The following CHD1L variants were observed in gnomAD, a reference collection of about 807,000 sequenced individuals.
CHD1L encodes the protein ATP-dependent chromatin remodeler CHD1L.
A neutral mutation model predicts 115.9 loss-of-function variants in CHD1L; 118 were observed. That is an observed-to-expected ratio of 1.02 (90% CI 0.88 to 1.19). The LOEUF (loss-of-function observed/expected upper bound fraction) is 1.19, where lower values mean the gene tolerates loss of function less well. Among genes scored for constraint, CHD1L ranks in the 50% most tolerant of loss-of-function variants. The pLI is 0.00. For missense variants in CHD1L, 1,179 were observed against 1,065.3 expected, an observed-to-expected ratio of 1.11 and a Z score of -1.49; for synonymous variants, 411 against 387.1, an observed-to-expected ratio of 1.06 and a Z score of -0.72.
chr1:147,206,085 C>T, the CHD1L span, among the ~76,000 whole-genome samples: 1 of 150,696 alleles, frequency 6.6e-6, no homozygotes, highest in Non-Finnish European at 1.5e-5. Context: ...AAACAAACAA[C>T]CCCATCAAAA....
At chr1:147,291,418 G>A (rs1466936989) in intron 19 of CHD1L, 64 bp from the exon 20 acceptor site, 27 of 1,334,660 alleles carry the variant, frequency 2.0e-5, no homozygotes, top group South Asian at 3.5e-5. Context: ...GGCGAGATAC[G>A]AGGAGGATTC....
intron 5 of CHD1L, among the ~76,000 whole-genome samples, chr1:147,258,607 C>G (rs587699371): frequency 6.6e-6 from 1 of 152,290 alleles, no homozygotes; most frequent in African/African-American, 2.4e-5. Context: ...TCAGTCCTCC[C>G]TCTACTCGCT....
At chr1:147,173,712 G>C in the CHD1L span, among the ~76,000 whole-genome samples, 1 of 152,278 alleles carries the variant, frequency 6.6e-6, no homozygotes, top group Non-Finnish European at 1.5e-5. Context: ...CAGACCAGCA[G>C]TGTTGGCGTC....
chr1:147,243,397 G>A (rs1665486500), intron 1 of CHD1L, among the ~76,000 whole-genome samples: 1 of 151,568 alleles, frequency 6.6e-6, no homozygotes, highest in Non-Finnish European at 1.5e-5. Flanking sequence ...TGTGTCTTGA[G>A]TCATTCATAA....
chr1:147,178,039 G>A, the CHD1L span: 10 of 695,950 alleles, frequency 1.4e-5, no homozygotes, highest in Admixed American at 3.5e-5. Flanking sequence ...GGTAAAATAG[G>A]TGGTCGCGCG....
chr1:147,201,971 A>G, the CHD1L span, among the ~76,000 whole-genome samples: 1 of 152,198 alleles, frequency 6.6e-6, no homozygotes, highest in Non-Finnish European at 1.5e-5. Context: ...TACAGTTTAT[A>G]AGTTGCTTTT....
chr1:147,280,234 A>G, intron 15 of CHD1L, 43 bp downstream of exon 15: 1 of 1,513,110 alleles, frequency 6.6e-7, no homozygotes, highest in Admixed American at 2.3e-5. Flanking sequence ...CAACCACCCC[A>G]AGCTAGAGCT....
chr1:147,201,804 G>C, the CHD1L span, among the ~76,000 whole-genome samples: 1 of 152,076 alleles, frequency 6.6e-6, no homozygotes, highest in African/African-American at 2.4e-5. Flanking sequence ...ATATGATAAG[G>C]CCACAGGTCA....
chr1:147,213,498 G>T, the CHD1L span: 2 of 1,552,936 alleles, frequency 1.3e-6, no homozygotes, highest in African/African-American at 2.7e-5. Flanking sequence ...AACCACAGGG[G>T]ACATCCCTGA....
At chr1:147,248,663 A>T (rs587693851) in intron 1 of CHD1L, among the ~76,000 whole-genome samples, 1 of 151,378 alleles carries the variant, frequency 6.6e-6, no homozygotes, top group South Asian at 2.1e-4. Flanking sequence ...CATTTTTTAG[A>T]ATTTTATTTT....
the CHD1L span, among the ~76,000 whole-genome samples, chr1:147,201,827 C>A: frequency 6.6e-6 from 1 of 152,172 alleles, no homozygotes; most frequent in African/African-American, 2.4e-5. Flanking sequence ...AGTTTGTATT[C>A]TCATACCAAG....
At chr1:147,175,384 C>T in the CHD1L span, 1 of 152,076 alleles carries the variant, frequency 6.6e-6, no homozygotes. Flanking sequence ...GTGTCCCCAC[C>T]CAAATCTCAT....
the CHD1L span, chr1:147,178,764 C>G: frequency 6.2e-7 from 1 of 1,600,942 alleles, no homozygotes; most frequent in Non-Finnish European, 8.6e-7. Flanking sequence ...AGTTGGAGGA[C>G]AAGACTGTGG....
intron 1 of CHD1L, among the ~76,000 whole-genome samples, chr1:147,244,589 T>TA (rs1665989456): frequency 6.6e-6 from 1 of 152,198 alleles, no homozygotes; most frequent in African/African-American, 2.4e-5. Flanking sequence ...ATAATCTCCT[T>TA]ACTGTTAACA....
At chr1:147,243,581 TCTC>T (rs1665607829) in intron 1 of CHD1L, among the ~76,000 whole-genome samples, 1 of 152,062 alleles carries the variant, frequency 6.6e-6, no homozygotes, top group Non-Finnish European at 1.5e-5. Flanking sequence ...GAGACCCCGC[TCTC>T]CTCCTGGGTC....
chr1:147,186,917 T>G, the CHD1L span: 3 of 1,613,614 alleles, frequency 1.9e-6, no homozygotes, highest in South Asian at 3.3e-5. Context: ...TAAGCTATAA[T>G]TATAGCAAAG....
the CHD1L span, chr1:147,178,623 G>T: frequency 6.3e-7 from 1 of 1,595,358 alleles, no homozygotes; most frequent in Non-Finnish European, 8.6e-7. Context: ...CTCACTCCGA[G>T]TTCCTAAAAG....
intron 11 of CHD1L, chr1:147,271,216 A>G: frequency 2.4e-6 from 1 of 424,852 alleles, no homozygotes; most frequent in South Asian, 5.1e-5. Context: ...AGAAATAAAC[A>G]CCCACGTTCC....
the CHD1L span, chr1:147,203,650 C>G: frequency 1.5e-6 from 2 of 1,379,088 alleles, no homozygotes; most frequent in Non-Finnish European, 2.1e-6. Flanking sequence ...CAGGACATGT[C>G]TCTCCATATG....
Sources: gnomAD v4.1 joint callset for allele counts (sites outside exome capture counted in the v4.1 genomes callset) on GRCh38, gnomAD v4.1.1 for gene constraint, MANE v1.5 for transcripts, NCBI Gene and HGNC (gene_info 2026-07-23, HGNC 2026-07-21) for gene names.